The following GRXCR1 variants were observed in gnomAD, a reference collection of about 807,000 sequenced individuals.
The protein encoded by GRXCR1 is glutaredoxin domain-containing cysteine-rich protein 1.
In GRXCR1, 27 loss-of-function variants were observed where a neutral mutation model predicts 27.3. That is an observed-to-expected ratio of 0.99 (90% CI 0.73 to 1.37). GRXCR1 has a LOEUF of 1.37. Among genes scored for constraint, GRXCR1 ranks in the 40% most tolerant of loss-of-function variants. The pLI, the probability that GRXCR1 is intolerant of heterozygous loss-of-function variation, is 0.00. For synonymous variants in GRXCR1, 122 were observed against 131.1 expected (o/e 0.93, Z 0.47); for missense variants, 379 against 354.4 (o/e 1.07, Z -0.56).
chr4:42,932,665 G>GAGAGAGAGAGA (rs3072809), intron 1 of GRXCR1, among the ~76,000 whole-genome samples: 25 of 111,240 alleles, frequency 2.2e-4, no homozygotes, highest in Non-Finnish European at 3.9e-4. Flanking sequence ...GAGAGAGAGA[G>GAGAGAGAGAGA]GCAATCTGTA....
intron 3 of GRXCR1, among the ~76,000 whole-genome samples, chr4:43,021,574 T>C (rs951741354): frequency 2.0e-5 from 3 of 152,176 alleles, no homozygotes; most frequent in African/African-American, 7.2e-5. Context: ...GGTACTTTGC[T>C]AAGGGAGACA....
chr4:42,985,427 T>C (rs1004600706), intron 2 of GRXCR1, among the ~76,000 whole-genome samples: 2 of 152,162 alleles, frequency 1.3e-5, no homozygotes, highest in East Asian at 1.9e-4. Flanking sequence ...GGAAAATACA[T>C]AAAAGTAAAT....
intron 2 of GRXCR1, among the ~76,000 whole-genome samples, chr4:42,971,681 C>T (rs188734296): frequency 4.6e-5 from 7 of 152,090 alleles, no homozygotes; most frequent in African/African-American, 1.4e-4. Flanking sequence ...CACCTCCCAC[C>T]AGGTCCCTCC....
chr4:42,894,511 A>C (rs182825737), intron 1 of GRXCR1, among the ~76,000 whole-genome samples: 143 of 152,196 alleles, frequency 9.4e-4, no homozygotes, highest in Non-Finnish European at 1.9e-3. Flanking sequence ...CTCAATTTTT[A>C]AATAAAATGA....
intron 1 of GRXCR1, among the ~76,000 whole-genome samples, chr4:42,953,605 A>G (rs1016523251): frequency 6.6e-6 from 1 of 152,186 alleles, no homozygotes; most frequent in Non-Finnish European, 1.5e-5. Context: ...TTGCAAATTC[A>G]TGAGAAAAAT....
chr4:42,959,221 A>G (rs1209681536), intron 1 of GRXCR1, among the ~76,000 whole-genome samples: 1 of 152,014 alleles, frequency 6.6e-6, no homozygotes, highest in Non-Finnish European at 1.5e-5. Flanking sequence ...GTATATATAA[A>G]CAATGAATAC....
intron 2 of GRXCR1, among the ~76,000 whole-genome samples, chr4:43,004,375 G>A (rs1712482523): frequency 1.3e-5 from 2 of 152,344 alleles, no homozygotes; most frequent in South Asian, 4.1e-4. Context: ...GAAATGTGGG[G>A]TTGGAGCTCC....
intron 2 of GRXCR1, among the ~76,000 whole-genome samples, chr4:43,001,790 C>T (rs1015171747): frequency 6.6e-6 from 1 of 152,028 alleles, no homozygotes; most frequent in Non-Finnish European, 1.5e-5. Flanking sequence ...GCACCGGCAC[C>T]GACCTCTGAG....
chr4:43,014,338 A>G (rs918615979), intron 2 of GRXCR1, among the ~76,000 whole-genome samples: 1 of 152,110 alleles, frequency 6.6e-6, no homozygotes, highest in East Asian at 1.9e-4. Context: ...CAGGTGGCCC[A>G]TCTCCAAGCA....
intron 2 of GRXCR1, among the ~76,000 whole-genome samples, chr4:42,972,932 A>T (rs913991458): frequency 1.3e-5 from 2 of 152,186 alleles, no homozygotes; most frequent in African/African-American, 4.8e-5. Flanking sequence ...TGAACTTAGT[A>T]ACGTCCTGCT....
chr4:42,955,916 G>T (rs1350927656), intron 1 of GRXCR1, among the ~76,000 whole-genome samples: 2 of 152,050 alleles, frequency 1.3e-5, no homozygotes, highest in Non-Finnish European at 2.9e-5. Flanking sequence ...AGCCTGCTCC[G>T]TGCTGATCTT....
At chr4:42,908,411 A>G (rs1746646038) in intron 1 of GRXCR1, among the ~76,000 whole-genome samples, 1 of 152,140 alleles carries the variant, frequency 6.6e-6, no homozygotes, top group African/African-American at 2.4e-5. Context: ...TTGATCCAGA[A>G]CCCTAGGAGT....
chr4:42,917,387 G>T lies in GRXCR1; in HGVS notation c.384+23737G>T, dbSNP rs2109748700. Among the ~76,000 whole-genome samples, 4 of 152,252 alleles carry T rather than the reference G, an allele frequency of 2.6e-5. No homozygotes were observed. The Middle Eastern group carries it at 0.014, about 518-fold the overall frequency. On this transcript the variant is annotated intron_variant, in intron 1 of 3. Transcript: ENST00000399770. ...CTCAGCTGATGAATGAAATTGTTTT[G>T]TTGTGCTAGGCAGACTGCTCCTGCA...
chr4:42,945,934 T>C lies in GRXCR1; in HGVS notation c.385-16958T>C, dbSNP rs78551420. On this transcript the variant is annotated intron_variant, in intron 1 of 3. Transcript: ENST00000399770. ...TTTCCTTTTAATTGTAAACAAGTTTTTCAGCCTTTTCCTTCTCTATATGTT... is the reference window on the plus strand; with the variant it reads ...TTTCCTTTTAATTGTAAACAAGTTTCTCAGCCTTTTCCTTCTCTATATGTT... Among the ~76,000 whole-genome samples the C allele has an allele frequency of 8.6e-3, 1,304 of 152,312 alleles. 19 individuals are homozygous for C. Among genetic ancestry groups the C allele is most frequent in the African/African-American group, 0.03 (1,247 of 41,584 alleles).
chr4:42,933,647 T>C (rs1460871867), intron 1 of GRXCR1, among the ~76,000 whole-genome samples: 1 of 151,914 alleles, frequency 6.6e-6, no homozygotes, highest in Non-Finnish European at 1.5e-5. Flanking sequence ...GGAGCCCTCA[T>C]AAATAGGATT....
chr4:42,949,534 C>T (rs1281412015), intron 1 of GRXCR1, among the ~76,000 whole-genome samples: 1 of 152,078 alleles, frequency 6.6e-6, no homozygotes, highest in African/African-American at 2.4e-5. Context: ...CCATCATTTG[C>T]TAGTTGCCTG....
chr4:42,944,599 A>G (rs974164616), intron 1 of GRXCR1, among the ~76,000 whole-genome samples: 1 of 152,086 alleles, frequency 6.6e-6, no homozygotes, highest in Non-Finnish European at 1.5e-5. Context: ...GAATACCAGA[A>G]TCAGTTATAA....
At chr4:42,920,262 C>G (rs1358163959) in intron 1 of GRXCR1, among the ~76,000 whole-genome samples, 1 of 152,082 alleles carries the variant, frequency 6.6e-6, no homozygotes, top group Non-Finnish European at 1.5e-5. Flanking sequence ...TGAGTATATA[C>G]CATTGAGGAG....
intron 2 of GRXCR1, among the ~76,000 whole-genome samples, chr4:42,983,701 G>T (rs913020169): frequency 6.6e-6 from 1 of 152,052 alleles, no homozygotes; most frequent in African/African-American, 2.4e-5. Flanking sequence ...TAAAGGAGAA[G>T]ACTCAAATAT....
Sources: gnomAD v4.1 joint callset for allele counts (sites outside exome capture counted in the v4.1 genomes callset) on GRCh38, gnomAD v4.1.1 for gene constraint, MANE v1.5 for transcripts, NCBI Gene and HGNC (gene_info 2026-07-23, HGNC 2026-07-21) for gene names.